Variants in ADAMTSL1 observed in about 807,000 individuals in gnomAD.
ADAMTSL1 encodes the protein ADAMTS like 1, also known as ADAMTS-like protein 1.
In ADAMTSL1, 126 loss-of-function variants were observed where a neutral mutation model predicts 201.8. The observed-to-expected ratio is 0.62, with a 90% CI of 0.54 to 0.72. The LOEUF (loss-of-function observed/expected upper bound fraction) is 0.72. Ranked by LOEUF, ADAMTSL1 falls within the 30% of genes least tolerant of loss-of-function variation. ADAMTSL1 has a pLI of 0.00. For missense variants in ADAMTSL1, 2,679 were observed against 2,277.8 expected (o/e 1.18, Z -3.59); for synonymous variants, 1,121 against 903.4 (o/e 1.24, Z -4.32).
chr9:18,474,100 A>T, upstream of ADAMTSL1: 5 of 413,586 alleles, frequency 1.2e-5, no homozygotes, highest in Non-Finnish European at 2.4e-5. Flanking sequence ...CTCGGTCAGG[A>T]AATGTGAGAG....
chr9:18,598,637 C>T (rs1423237062), intron 4 of ADAMTSL1, among the ~76,000 whole-genome samples: 1 of 152,036 alleles, frequency 6.6e-6, no homozygotes, highest in Non-Finnish European at 1.5e-5. Flanking sequence ...AAGTGGGAAA[C>T]TTCACCAACA....
At chr9:18,476,060 ATAAAAT>A (rs1821434760) in intron 1 of ADAMTSL1, among the ~76,000 whole-genome samples, 1 of 152,168 alleles carries the variant, frequency 6.6e-6, no homozygotes, top group Non-Finnish European at 1.5e-5. Context: ...TATTATAAAG[ATAAAAT>A]TAAAACAAAC....
chr9:18,686,132 G>T (rs1830820317), intron 13 of ADAMTSL1, among the ~76,000 whole-genome samples: 1 of 152,042 alleles, frequency 6.6e-6, no homozygotes, highest in African/African-American at 2.4e-5. Context: ...TGTTTCCCAG[G>T]CTGGTCTCAA....
intron 1 of ADAMTSL1, among the ~76,000 whole-genome samples, chr9:17,974,952 T>G (rs1394866090): frequency 6.6e-6 from 1 of 152,070 alleles, no homozygotes; most frequent in Non-Finnish European, 1.5e-5. Context: ...ACATTTTTTC[T>G]TAATGGTTGC....
At chr9:18,584,960 C>A (rs950699913) in intron 4 of ADAMTSL1, among the ~76,000 whole-genome samples, 2 of 152,178 alleles carry the variant, frequency 1.3e-5, no homozygotes, top group Admixed American at 6.6e-5. Flanking sequence ...TATAACAGCA[C>A]AAATATACTT....
intron 2 of ADAMTSL1, among the ~76,000 whole-genome samples, chr9:18,185,174 T>A (rs945732205): frequency 6.6e-6 from 1 of 152,118 alleles, no homozygotes; most frequent in African/African-American, 2.4e-5. Context: ...GCAGAATCTG[T>A]GACTGCTTCT....
chr9:18,489,614 A>G (rs139422045), intron 1 of ADAMTSL1, among the ~76,000 whole-genome samples: 176 of 152,372 alleles, frequency 1.2e-3, no homozygotes, highest in African/African-American at 4.2e-3. Context: ...AAGGGACAAA[A>G]TAAAACATAC....
At chr9:18,380,909 G>A (rs1035854088) in intron 2 of ADAMTSL1, among the ~76,000 whole-genome samples, 2 of 152,218 alleles carry the variant, frequency 1.3e-5, no homozygotes, top group Non-Finnish European at 2.9e-5. Context: ...CCACCAAAGA[G>A]AACCCTTTAT....
intron 7 of ADAMTSL1, 35 bp from the exon 8 acceptor site, chr9:18,657,604 T>C: frequency 6.5e-7 from 1 of 1,527,340 alleles, no homozygotes; most frequent in Non-Finnish European, 9.1e-7. Context: ...CACCGCACTG[T>C]CACATTACTT....
At chr9:18,367,994 G>T (rs1326860478) in intron 2 of ADAMTSL1, among the ~76,000 whole-genome samples, 4 of 152,068 alleles carry the variant, frequency 2.6e-5, no homozygotes, top group Non-Finnish European at 5.9e-5. Context: ...CCGCCTCCCG[G>T]GTTCACGCCA....
chr9:18,368,383 T>C (rs184684608), intron 2 of ADAMTSL1, among the ~76,000 whole-genome samples: 1 of 152,222 alleles, frequency 6.6e-6, no homozygotes, highest in Non-Finnish European at 1.5e-5. Flanking sequence ...GGGCATGCCT[T>C]TGTAGAGATG....
chr9:18,760,291 A>ACAAT (rs1417361789), intron 16 of ADAMTSL1, among the ~76,000 whole-genome samples: 1 of 151,988 alleles, frequency 6.6e-6, no homozygotes, highest in African/African-American at 2.4e-5. Flanking sequence ...CCCTCTCCTT[A>ACAAT]CAATCAACTC....
chr9:18,153,408 A>AT (rs1390308858), intron 1 of ADAMTSL1, among the ~76,000 whole-genome samples: 1 of 152,062 alleles, frequency 6.6e-6, no homozygotes, highest in Non-Finnish European at 1.5e-5. Context: ...TTAATAACTG[A>AT]TTTTTTAAAA....
At chr9:18,617,589 T>C (rs1825773637) in intron 4 of ADAMTSL1, among the ~76,000 whole-genome samples, 1 of 152,066 alleles carries the variant, frequency 6.6e-6, no homozygotes, top group South Asian at 2.1e-4. Context: ...CAGTGTTAAG[T>C]GTGCTTGCTC....
chr9:18,206,074 A>G (rs1829637023), intron 2 of ADAMTSL1, among the ~76,000 whole-genome samples: 1 of 150,262 alleles, frequency 6.7e-6, no homozygotes, highest in Admixed American at 6.6e-5. Context: ...AAAAAAAAAA[A>G]AAAAAAAAAA....
chr9:18,833,113 A>G (rs552764949), intron 23 of ADAMTSL1, among the ~76,000 whole-genome samples: 132 of 152,348 alleles, frequency 8.7e-4, no homozygotes, highest in African/African-American at 3.0e-3. Flanking sequence ...CCTGAGCAAC[A>G]CATGCACAGG....
intron 2 of ADAMTSL1, among the ~76,000 whole-genome samples, chr9:18,369,908 A>G (rs1340996518): frequency 6.6e-6 from 1 of 152,242 alleles, no homozygotes; most frequent in Non-Finnish European, 1.5e-5. Flanking sequence ...ACTCAAATAC[A>G]GAAAATCAAA....
At chr9:17,997,966 G>A (rs1819452093) in intron 1 of ADAMTSL1, among the ~76,000 whole-genome samples, 1 of 152,012 alleles carries the variant, frequency 6.6e-6, no homozygotes, top group Non-Finnish European at 1.5e-5. Context: ...TGGCACCACT[G>A]TAGTCCCCAT....
At chr9:18,047,448 T>A (rs1047001328) in intron 1 of ADAMTSL1, among the ~76,000 whole-genome samples, 1 of 152,168 alleles carries the variant, frequency 6.6e-6, no homozygotes, top group Admixed American at 6.5e-5. Flanking sequence ...AGTATGCAGC[T>A]TGAACTGTCA....
Sources: gnomAD v4.1 joint callset for allele counts (sites outside exome capture counted in the v4.1 genomes callset) on GRCh38, gnomAD v4.1.1 for gene constraint, MANE v1.5 for transcripts, NCBI Gene and HGNC (gene_info 2026-07-23, HGNC 2026-07-21) for gene names.